CLASP1: variants seen among roughly 807,000 people sequenced by gnomAD.
CLASP1 encodes cytoplasmic linker associated protein 1.
A neutral mutation model predicts 192.3 loss-of-function variants in CLASP1; 38 were observed. That is an observed-to-expected ratio of 0.20 (90% CI 0.15 to 0.26). The LOEUF is 0.26. Ranked by LOEUF, CLASP1 falls within the 10% of genes least tolerant of loss-of-function variation. The pLI is 1.00. For synonymous variants in CLASP1, 691 were observed against 712.8 expected (o/e 0.97, Z 0.49); for missense variants, 1,433 against 1,932.5 (o/e 0.74, Z 4.85).
intron 2 of CLASP1, among the ~76,000 whole-genome samples, chr2:121,534,953 A>G (rs1340335908): frequency 6.6e-6 from 1 of 152,246 alleles, no homozygotes; most frequent in African/African-American, 2.4e-5. Context: ...GGATAGGAGA[A>G]TAATTGCAAA....
chr2:121,524,193 G>A (rs886206697), intron 6 of CLASP1, among the ~76,000 whole-genome samples: 4 of 152,202 alleles, frequency 2.6e-5, no homozygotes, highest in African/African-American at 9.6e-5. Flanking sequence ...AATCACCTCA[G>A]CAAGTTGGCT....
intron 2 of CLASP1, among the ~76,000 whole-genome samples, chr2:121,552,628 C>G (rs960552980): frequency 6.6e-6 from 1 of 152,136 alleles, no homozygotes; most frequent in Non-Finnish European, 1.5e-5. Context: ...AAATGCAAAT[C>G]AAAACCACAA....
intron 19 of CLASP1, among the ~76,000 whole-genome samples, chr2:121,440,920 C>T (rs76389573): frequency 0.037 from 5,619 of 152,006 alleles, 152 homozygotes; most frequent in East Asian, 0.14. Flanking sequence ...AGAGCAAAAC[C>T]AGACCCAGAG....
intron 2 of CLASP1, among the ~76,000 whole-genome samples, chr2:121,544,907 CTTTT>C (rs3078562): frequency 8.1e-6 from 1 of 122,884 alleles, no homozygotes. Context: ...CTTTTCTTTT[CTTTT>C]TTTTTTTTTT....
At chr2:121,398,089 A>C (rs2075584860) in intron 29 of CLASP1, among the ~76,000 whole-genome samples, 1 of 152,248 alleles carries the variant, frequency 6.6e-6, no homozygotes, top group South Asian at 2.1e-4. Flanking sequence ...ACAATATGGT[A>C]TAACCATTTT....
intron 30 of CLASP1, among the ~76,000 whole-genome samples, chr2:121,395,398 GGT>G (rs2075113084): frequency 6.6e-6 from 1 of 151,974 alleles, no homozygotes; most frequent in Non-Finnish European, 1.5e-5. Context: ...TTTCCATATG[GGT>G]ATTTATCATT....
chr2:121,605,915 T>A, exon 2 of CLASP1: 1 of 1,610,920 alleles, frequency 6.2e-7, no homozygotes, highest in Non-Finnish European at 8.5e-7. Flanking sequence ...CAAATCCAGA[T>A]CCAGCAAAAG....
chr2:121,409,492 T>C (rs1207104618), intron 24 of CLASP1, among the ~76,000 whole-genome samples: 1 of 152,190 alleles, frequency 6.6e-6, no homozygotes, highest in African/African-American at 2.4e-5. Context: ...AGCATGAATC[T>C]AATGGGAGCT....
In CLASP1 at chr2:121,367,704, G is replaced by A. The variant is rs200536508; in HGVS notation, c.3770C>T (p.Pro1257Leu). ...GTTGTAGTCTCGCGCCCGCGGCCCC[G>A]GGAAGGCGCGCGGAGGCTGGGTGTT... Residue 1257 changes from proline (P) to leucine (L), a missense_variant, in exon 35 of 40, where the codon CCG becomes CTG. Transcript: ENST00000263710. 7.6e-5 allele frequency: 122 copies of A among 1,613,864 alleles called. No individual in the cohort carries two copies. The highest frequency in any genetic ancestry group is 9.2e-5 in the Non-Finnish European group (109 of 1,179,902).
At chr2:121,557,759 A>AAAAAAAG (rs1289934449) in intron 2 of CLASP1, among the ~76,000 whole-genome samples, 2 of 151,544 alleles carry the variant, frequency 1.3e-5, no homozygotes, top group Non-Finnish European at 2.9e-5. Flanking sequence ...TTCATCTTGG[A>AAAAAAAG]AAAAAAGAAA....
intron 1 of CLASP1, among the ~76,000 whole-genome samples, chr2:121,619,007 A>G (rs2066904641): frequency 6.6e-6 from 1 of 152,226 alleles, no homozygotes; most frequent in African/African-American, 2.4e-5. Context: ...AGCTGGAATT[A>G]CTCAAGTATA....
intron 30 of CLASP1, among the ~76,000 whole-genome samples, chr2:121,394,247 G>GAGATTATC (rs1231772653): frequency 6.6e-6 from 1 of 152,186 alleles, no homozygotes; most frequent in Non-Finnish European, 1.5e-5. Flanking sequence ...AATCCAAAGG[G>GAGATTATC]AGATTATCCT....
chr2:121,374,536 C>A (rs962155395), intron 34 of CLASP1, among the ~76,000 whole-genome samples: 2 of 152,214 alleles, frequency 1.3e-5, no homozygotes, highest in Non-Finnish European at 2.9e-5. Context: ...CAACAGCTTG[C>A]ACTGTGTGCC....
rs542430037 is a variant in CLASP1, at chr2:121,477,530, AAACT to A, written c.713-7574_713-7571del. 2.1e-3 allele frequency among the ~76,000 whole-genome samples: 316 copies of A among 152,322 alleles called. 1 individual carries two copies. Among genetic ancestry groups the A allele is most frequent in the African/African-American group, 6.1e-3 (252 of 41,580 alleles). On this transcript the variant is annotated intron_variant, in intron 8 of 39. Transcript: ENST00000263710. ...ATAAGCAATATAAGCTCCCCAAATT[AAACT>A]AACACTTTGATATATATGTATTTCT... is the stretch of plus-strand genomic sequence containing the variant.
intron 2 of CLASP1, among the ~76,000 whole-genome samples, chr2:121,553,750 G>T (rs2058258468): frequency 6.6e-6 from 1 of 152,038 alleles, no homozygotes. Context: ...GTCACATAAA[G>T]ATTTGTATCT....
chr2:121,478,935 C>A (rs1394304393), intron 8 of CLASP1, among the ~76,000 whole-genome samples: 9 of 27,016 alleles, frequency 3.3e-4, no homozygotes, highest in Admixed American at 7.0e-4. Flanking sequence ...CCACACAACA[C>A]CCCCCACACA....
At position 121,451,777 on chromosome 2, in the gene CLASP1, A is replaced by AT. The variant is rs1371822671; in HGVS notation, c.1445+12dup. 6.4e-7 allele frequency: 1 copy of AT among 1,567,114 alleles called. No individual in the cohort carries two copies. The highest frequency in any genetic ancestry group is 1.4e-5 in the African/African-American group (1 of 73,766). The stretch of plus-strand genomic sequence containing the variant: ...AATTCAGAGGGAAAAATGGTTTCAA[A>AT]TCAGATGCTCACCGTTCTAGTGAAT... On this transcript the variant is annotated intron_variant, in intron 15 of 39. Coordinates refer to ENST00000263710, the Ensembl canonical transcript of CLASP1.
At chr2:121,557,814 G>T (rs1179919491) in intron 2 of CLASP1, among the ~76,000 whole-genome samples, 2 of 151,718 alleles carry the variant, frequency 1.3e-5, no homozygotes, top group African/African-American at 2.4e-5. Flanking sequence ...TGGGCACGGT[G>T]GCTCATGCCT....
At chr2:121,493,457 A>G (rs2093403601) in intron 8 of CLASP1, among the ~76,000 whole-genome samples, 2 of 152,198 alleles carry the variant, frequency 1.3e-5, no homozygotes, top group Admixed American at 6.5e-5. Context: ...GCAGAAGAAT[A>G]AAACTGGACC....
Sources: gnomAD v4.1 joint callset for allele counts (sites outside exome capture counted in the v4.1 genomes callset) on GRCh38, gnomAD v4.1.1 for gene constraint, MANE v1.5 for transcripts, NCBI Gene and HGNC (gene_info 2026-07-23, HGNC 2026-07-21) for gene names.